TSBP1: variants seen among roughly 807,000 people sequenced by gnomAD.
TSBP1 encodes the protein testis expressed basic protein 1.
Under a neutral mutation model 68.8 loss-of-function variants are expected in TSBP1, and 56 were observed. The observed-to-expected ratio is 0.81, with a 90% CI of 0.66 to 1.02. TSBP1 has a LOEUF of 1.02. Among genes scored for constraint, TSBP1 ranks in the 50% least tolerant of loss-of-function variants. The pLI is 0.00. For missense variants in TSBP1, 502 were observed against 641.2 expected, an observed-to-expected ratio of 0.78 and a Z score of 2.34; for synonymous variants, 171 against 208.7, an observed-to-expected ratio of 0.82 and a Z score of 1.56.
In TSBP1 at chr6:32,325,937, A is replaced by T; in HGVS notation, c.515-2323T>A. ...GGTGGTGGTGGATATGGTGGCAGTG[A>T]GGATGGCTATAATGGATTTGGTAAT... On this transcript the variant is annotated intron_variant, in intron 16 of 22. Transcript: ENST00000612031. The surrounding 1 kb of genome is among the most constrained non-coding windows in gnomAD (Gnocchi z 4.4). The T allele has an allele frequency of 6.4e-7, 1 of 1,560,534 alleles. No homozygotes were observed. The highest frequency in any genetic ancestry group is 8.7e-7 in the Non-Finnish European group (1 of 1,146,130).
exon 23 of TSBP1, chr6:32,293,293 G>T (rs1562042829): frequency 6.2e-7 from 1 of 1,610,988 alleles, no homozygotes; most frequent in Non-Finnish European, 8.5e-7. Context: ...TCACCTCAGT[G>T]TTCTTTACTT....
intron 17 of TSBP1, 112 bp downstream of exon 18, chr6:32,323,479 C>T (rs745638643): frequency 1.0e-6 from 1 of 985,936 alleles, no homozygotes; most frequent in East Asian, 2.6e-5. Flanking sequence ...AGCTTTGAGT[C>T]AGGTAGCTGC....
rs1356130156 is a variant in TSBP1 at position 32,308,466 on chromosome 6, C to T, written c.581-5837G>A. Among the ~76,000 whole-genome samples the T allele has an allele frequency of 1.3e-4, 19 of 149,578 alleles. No homozygotes were observed. In the South Asian group the frequency reaches 1.3e-3, roughly 10 times the overall value. On this transcript the variant is annotated intron_variant, in intron 19 of 22. Transcript: ENST00000612031. ...ACAAAAAATTAGCCGGGCGTAGTGG[C>T]GGGCGCCTGTAGTCCCAGCTACTTG...
chr6:32,336,731 G>T lies in TSBP1; in HGVS notation c.410-96C>A. ...AAGAAACTATGAAGCAATTCAACCA[G>T]AGGAGAACAACTACTGTGGGACTGC... On this transcript the variant is annotated intron_variant, in intron 11 of 22. Transcript: ENST00000612031. This position sits in a 1 kb window ranked among gnomAD's most constrained non-coding sequence, Gnocchi z 5.2. The T allele has an allele frequency of 8.8e-7, 1 of 1,130,494 alleles. No homozygotes were observed. The highest frequency in any genetic ancestry group is 1.3e-6 in the Non-Finnish European group (1 of 755,204). The allele number at this position is 1,130,494 out of a possible 1,614,324, so 70.0% of individuals were successfully genotyped here. A position where few individuals can be genotyped will look rare whatever the true frequency, so the allele number is the denominator to read the frequency against.
rs1444256698 is a variant in TSBP1 at position 32,336,655 on chromosome 6, A to G, written c.410-20T>C. 3.1e-6 allele frequency: 5 copies of G among 1,610,876 alleles called. No homozygotes were observed. The highest frequency in any genetic ancestry group is 4.2e-6 in the Non-Finnish European group (5 of 1,178,112). ...ATTGCACTGAAATACAAAAAGGAGG[A>G]AAGTGTGGTTTGACATTAATAGAAT... On this transcript the variant is annotated intron_variant, in intron 11 of 22. Coordinates refer to ENST00000612031, the Ensembl canonical transcript of TSBP1. The surrounding 1 kb of genome is among the most constrained non-coding windows in gnomAD (Gnocchi z 5.2).
In TSBP1 at chr6:32,302,447, C is replaced by T. The variant is rs1765403519; in HGVS notation, c.601+162G>A. Reference sequence around the variant, plus strand: ...CCAGGCTAGGTGACAGAGCAAGACCCTGTCTCAGAACAAAACAAAACCAAA... The same window carrying T: ...CCAGGCTAGGTGACAGAGCAAGACCTTGTCTCAGAACAAAACAAAACCAAA... On this transcript the variant is annotated intron_variant, in intron 20 of 22. Transcript: ENST00000612031. This position sits in a 1 kb window ranked among gnomAD's most constrained non-coding sequence, Gnocchi z 5.1. Among the ~76,000 whole-genome samples, 1 of 152,066 alleles carries T rather than the reference C, an allele frequency of 6.6e-6. No individual in the cohort carries two copies. The highest frequency in any genetic ancestry group is 1.5e-5 in the Non-Finnish European group (1 of 68,020).
chr6:32,331,007 A>C (rs531892994), intron 15 of TSBP1, among the ~76,000 whole-genome samples: 144 of 152,292 alleles, frequency 9.5e-4, no homozygotes, highest in Admixed American at 3.6e-3. Context: ...GCAAGCAGTG[A>C]AAATGATTTT....
At chr6:32,330,021 CTCTT>C (rs34296697) in intron 16 of TSBP1, among the ~76,000 whole-genome samples, 50,935 of 151,772 alleles carry the variant, frequency 0.34, 9,568 homozygotes, top group Middle Eastern at 0.52. Context: ...CTTTTCCTCT[CTCTT>C]TGTCGTGCGT....
At position 32,355,641 on chromosome 6, in the gene TSBP1, ATACT is replaced by A. The variant is rs1562174286; in HGVS notation, c.238+4_238+7del. On this transcript the variant is annotated splice_donor_5th_base_variant and intron_variant, in intron 7 of 22. Coordinates refer to ENST00000612031, the Ensembl canonical transcript of TSBP1. ...CAAATTTTTGTTAAGAAGCAAGATA[ATACT>A]TACTGTAATCTCTTTTGGATCTCTC... is the stretch of plus-strand genomic sequence containing the variant. 1 of 1,591,000 alleles carries A rather than the reference ATACT, an allele frequency of 6.3e-7. No homozygotes were observed.
At chr6:32,307,396 G>A (rs1397453007) in intron 19 of TSBP1, among the ~76,000 whole-genome samples, 1 of 151,434 alleles carries the variant, frequency 6.6e-6, no homozygotes, top group African/African-American at 2.4e-5. Flanking sequence ...TTTCTGTTTT[G>A]TTGCCTTGTG....
rs3117136 is a variant in TSBP1, at chr6:32,343,034, A to C, written c.350-3396T>G. On this transcript the variant is annotated intron_variant, in intron 9 of 22. Transcript: ENST00000612031. This position sits in a 1 kb window ranked among gnomAD's most constrained non-coding sequence, Gnocchi z 4.3. ...TTGCTTAAGCAAGGTGGGAGGTCTC[A>C]TTGTCTTAGAGAGGGGGAAATGTGA... 0.42 allele frequency among the ~76,000 whole-genome samples: 64,040 copies of C among 152,006 alleles called. 14,393 individuals are homozygous for C. The highest frequency in any genetic ancestry group is 0.54 in the African/African-American group (22,570 of 41,416).
intron 18 of TSBP1, among the ~76,000 whole-genome samples, chr6:32,322,850 T>G (rs1767779961): frequency 6.6e-6 from 1 of 152,200 alleles, no homozygotes; most frequent in Non-Finnish European, 1.5e-5. Context: ...TCTCTCCATT[T>G]AGACATCATT....
intron 20 of TSBP1, among the ~76,000 whole-genome samples, chr6:32,301,709 TAAA>T (rs5875351): frequency 0.032 from 4,549 of 144,252 alleles, 126 homozygotes; most frequent in African/African-American, 0.067. Context: ...AACGCTGTTT[TAAA>T]AAAAAAAAAA....
At chr6:32,370,407 G>GTGTGTGTGTGTATATATATATATA (rs1241237254) in intron 1 of TSBP1, among the ~76,000 whole-genome samples, 1 of 130,688 alleles carries the variant, frequency 7.7e-6, no homozygotes. Context: ...AAGATTTTCT[G>GTGTGTGTGTGTATATATATATATA]TATATATATA....
intron 2 of TSBP1, among the ~76,000 whole-genome samples, chr6:32,369,396 A>T (rs1404733265): frequency 1.1e-5 from 1 of 91,536 alleles, no homozygotes; most frequent in Non-Finnish European, 2.4e-5. Flanking sequence ...TTTGAGATGG[A>T]GTCTTGCACT....
At chr6:32,323,259 G>T in intron 17 of TSBP1, 122 bp from the exon 19 acceptor site, 2 of 692,850 alleles carry the variant, frequency 2.9e-6, no homozygotes, top group South Asian at 3.5e-5. Context: ...ATGATTCTAT[G>T]ACTATGTATT....
At chr6:32,332,592 T>G (rs910245804) in intron 14 of TSBP1, among the ~76,000 whole-genome samples, 2 of 149,596 alleles carry the variant, frequency 1.3e-5, no homozygotes, top group Non-Finnish European at 3.0e-5. Flanking sequence ...CAACAAAACC[T>G]TCTGTTTTTT....
chr6:32,358,563 G>A (rs9268306), intron 6 of TSBP1, among the ~76,000 whole-genome samples: 116,307 of 151,326 alleles, frequency 0.77, 44,968 homozygotes, highest in South Asian at 0.89. Context: ...ATCCCTCCCC[G>A]CTCCCCTCAC....
At chr6:32,368,887 T>A in intron 2 of TSBP1, 73 bp from the exon 3 acceptor site, 1 of 1,519,162 alleles carries the variant, frequency 6.6e-7, no homozygotes. Context: ...CAAACTCTTC[T>A]CACTCTAAGC....
Sources: allele counts gnomAD v4.1 joint callset (sites outside exome capture counted in the v4.1 genomes callset), GRCh38; gene constraint gnomAD v4.1.1; non-coding constraint Gnocchi (gnomAD v3.1); transcripts MANE v1.5; gene names NCBI Gene and HGNC (gene_info 2026-07-23, HGNC 2026-07-21).